Variants in ARHGAP18 observed in about 807,000 individuals in gnomAD.
ARHGAP18 encodes the protein rho GTPase-activating protein 18.
In ARHGAP18, 67 loss-of-function variants were observed where a neutral mutation model predicts 86.2. That is an observed-to-expected ratio of 0.78 (90% confidence interval 0.64 to 0.95). ARHGAP18 has a LOEUF of 0.95. Ranked by LOEUF, ARHGAP18 falls within the 40% of genes least tolerant of loss-of-function variation. The pLI is 0.00. For missense variants in ARHGAP18, 691 were observed against 780.4 expected (o/e 0.89, Z 1.37); for synonymous variants, 283 against 280.4 (o/e 1.01, Z -0.09).
intron 12 of ARHGAP18, among the ~76,000 whole-genome samples, chr6:129,589,379 G>C (rs900697384): frequency 6.6e-6 from 1 of 152,070 alleles, no homozygotes; most frequent in African/African-American, 2.4e-5. Context: ...CAGTTTCTTT[G>C]CTAAAGTATA....
At chr6:129,625,182 ATAT>A (rs1156534991) in intron 5 of ARHGAP18, among the ~76,000 whole-genome samples, 1 of 90,686 alleles carries the variant, frequency 1.1e-5, no homozygotes, top group Non-Finnish European at 1.9e-5. Context: ...GATATATTAT[ATAT>A]TATATATGAT....
At chr6:129,628,151 G>A (rs1394887889) in intron 5 of ARHGAP18, among the ~76,000 whole-genome samples, 3 of 152,138 alleles carry the variant, frequency 2.0e-5, no homozygotes, top group Non-Finnish European at 2.9e-5. Flanking sequence ...CAGTAGCAAT[G>A]AGAACATTCA....
chr6:129,616,327 C>T, intron 6 of ARHGAP18, 24 bp from the exon 7 acceptor site: 1 of 1,575,548 alleles, frequency 6.3e-7, no homozygotes, highest in Non-Finnish European at 8.7e-7. Context: ...AATGAAATTT[C>T]CTCACTTTTG....
intron 1 of ARHGAP18, among the ~76,000 whole-genome samples, chr6:129,688,758 C>A (rs567540482): frequency 5.7e-4 from 87 of 151,428 alleles, no homozygotes; most frequent in Non-Finnish European, 1.1e-3. Context: ...CACCATTGCC[C>A]TCCAGCCTGG....
At chr6:129,655,812 C>A (rs1306839553) in intron 1 of ARHGAP18, among the ~76,000 whole-genome samples, 1 of 152,200 alleles carries the variant, frequency 6.6e-6, no homozygotes, top group African/African-American at 2.4e-5. Flanking sequence ...TACAGTTTTA[C>A]TGGACAATGC....
intron 1 of ARHGAP18, among the ~76,000 whole-genome samples, chr6:129,694,676 G>C (rs1774583928): frequency 6.6e-6 from 1 of 152,240 alleles, no homozygotes. Flanking sequence ...CTTCTAGGCA[G>C]TGACAGTGGC....
chr6:129,592,263 T>C (rs545290079), intron 12 of ARHGAP18, among the ~76,000 whole-genome samples: 24 of 152,334 alleles, frequency 1.6e-4, no homozygotes, highest in African/African-American at 5.8e-4. Flanking sequence ...AAACAATACC[T>C]GCAACAATGC....
chr6:129,695,947 A>T (rs1389839166), intron 1 of ARHGAP18, among the ~76,000 whole-genome samples: 1 of 152,132 alleles, frequency 6.6e-6, no homozygotes. Flanking sequence ...AAGCAAATAG[A>T]TTTTAGTAAT....
intron 2 of ARHGAP18, among the ~76,000 whole-genome samples, chr6:129,640,449 G>A (rs1773432542): frequency 1.3e-5 from 2 of 152,224 alleles, no homozygotes; most frequent in East Asian, 3.9e-4. Flanking sequence ...CTTGAAACAT[G>A]GAGAAAGAAA....
intron 13 of ARHGAP18, 73 bp downstream of exon 13, chr6:129,583,915 G>A: frequency 2.0e-6 from 3 of 1,496,326 alleles, no homozygotes; most frequent in East Asian, 2.3e-5. Flanking sequence ...GGAAGAAGAA[G>A]CAGCAGCGAA....
At chr6:129,596,279 A>T (rs72982628) in intron 12 of ARHGAP18, among the ~76,000 whole-genome samples, 2,435 of 152,008 alleles carry the variant, frequency 0.016, 31 homozygotes, top group Non-Finnish European at 0.025. Flanking sequence ...CTCCAGCTAC[A>T]CTCACTCCTT....
chr6:129,671,663 T>C (rs779414418), intron 1 of ARHGAP18, among the ~76,000 whole-genome samples: 1 of 152,120 alleles, frequency 6.6e-6, no homozygotes, highest in Non-Finnish European at 1.5e-5. Flanking sequence ...GCTATGATCG[T>C]TTACCTGCAC....
intron 1 of ARHGAP18, among the ~76,000 whole-genome samples, chr6:129,690,700 C>T (rs957345099): frequency 2.5e-4 from 38 of 152,110 alleles, no homozygotes; most frequent in African/African-American, 8.7e-4. Context: ...TCATATTCCT[C>T]CCCGTGAAAA....
At chr6:129,642,077 T>C in intron 1 of ARHGAP18, 59 bp from the exon 2 acceptor site, 1 of 1,481,094 alleles carries the variant, frequency 6.8e-7, no homozygotes, top group Non-Finnish European at 9.4e-7. Context: ...GTATAATTTC[T>C]AAGACATCAC....
At chr6:129,677,737 G>A (rs972752328) in intron 1 of ARHGAP18, among the ~76,000 whole-genome samples, 3 of 152,140 alleles carry the variant, frequency 2.0e-5, no homozygotes, top group African/African-American at 7.2e-5. Flanking sequence ...ACCTTGAAAA[G>A]CTGGTTGGCT....
intron 1 of ARHGAP18, among the ~76,000 whole-genome samples, chr6:129,681,666 A>G (rs1342713708): frequency 1.3e-5 from 2 of 152,222 alleles, no homozygotes; most frequent in Non-Finnish European, 2.9e-5. Context: ...AATTCATTTC[A>G]TGGCTTAAAA....
chr6:129,595,396 G>A (rs1015955458), intron 12 of ARHGAP18, among the ~76,000 whole-genome samples: 2 of 152,126 alleles, frequency 1.3e-5, no homozygotes. Context: ...ATTTTGGTCA[G>A]TGTAAGAAAA....
chr6:129,710,063 C>T lies in ARHGAP18; in HGVS notation c.74G>A (p.Gly25Glu), dbSNP rs996213202. 2 of 1,614,034 alleles carry T rather than the reference C, an allele frequency of 1.2e-6. No individual in the cohort carries two copies. Among genetic ancestry groups the T allele is most frequent in the African/African-American group, 2.7e-5 (2 of 74,940 alleles). The change falls in exon 1 of 15, where the codon GGG (glycine) becomes GAG (glutamate). Residue 25 changes from glycine (G) to glutamate (E), a missense_variant. Coordinates refer to ENST00000368149, the MANE Select transcript of ARHGAP18 (RefSeq NM_033515.3). ...CTCCCCTGCCTTTGCATGGCTGTTCCCGACGGTCTGGTCCTTGCCGCTGGG... is the reference window on the plus strand; with the variant it reads ...CTCCCCTGCCTTTGCATGGCTGTTCTCGACGGTCTGGTCCTTGCCGCTGGG... ...YHPSGKDQTVGNSHAKAGEEA... is the reference protein window; with the variant it reads ...YHPSGKDQTVENSHAKAGEEA...
At chr6:129,616,695 C>T (rs1789105873) in intron 6 of ARHGAP18, among the ~76,000 whole-genome samples, 1 of 152,026 alleles carries the variant, frequency 6.6e-6, no homozygotes, top group Non-Finnish European at 1.5e-5. Context: ...TGTCTATAAC[C>T]CCAGCACTTT....
Sources: allele counts gnomAD v4.1 joint callset (sites outside exome capture counted in the v4.1 genomes callset), GRCh38; gene constraint gnomAD v4.1.1; transcripts MANE v1.5; gene names NCBI Gene and HGNC (gene_info 2026-07-23, HGNC 2026-07-21).